Variants in SECISBP2 observed in about 807,000 individuals in gnomAD.
SECISBP2 encodes SECIS binding protein 2.
SECISBP2 carries 96 observed loss-of-function variants against 98.2 expected under a neutral mutation model. The observed-to-expected ratio is 0.98, with a 90% CI of 0.83 to 1.16. The LOEUF (loss-of-function observed/expected upper bound fraction) is 1.16. Ranked by LOEUF, SECISBP2 falls within the 50% of genes most tolerant of loss-of-function variation. SECISBP2 has a pLI of 0.00. For missense variants in SECISBP2, 1,046 were observed against 1,022.9 expected, an observed-to-expected ratio of 1.02 and a Z score of -0.31; for synonymous variants, 407 against 370.2, an observed-to-expected ratio of 1.10 and a Z score of -1.14.
At chr9:89,347,165 T>G (rs920408163) in intron 11 of SECISBP2, 117 bp downstream of exon 11, 7 of 1,068,282 alleles carry the variant, frequency 6.6e-6, no homozygotes, top group Non-Finnish European at 8.4e-6. Flanking sequence ...TTGAATATGT[T>G]GTAGTAAAAC....
chr9:89,357,942 G>C, intron 15 of SECISBP2, 57 bp from the exon 16 acceptor site: 1 of 1,589,702 alleles, frequency 6.3e-7, no homozygotes, highest in Non-Finnish European at 8.6e-7. Context: ...CTGAGTTTGA[G>C]GGACCCGTGT....
chr9:89,318,656 C>T (rs1016056198), intron 1 of SECISBP2, 44 bp downstream of exon 1: 7 of 1,383,526 alleles, frequency 5.1e-6, no homozygotes, highest in Non-Finnish European at 6.5e-6. Context: ...AGTCCGTCCG[C>T]CTGCCTCGCA....
At chr9:89,357,225 A>G in intron 14 of SECISBP2, 186 bp from the exon 15 acceptor site, 1 of 667,948 alleles carries the variant, frequency 1.5e-6, no homozygotes, top group Non-Finnish European at 2.7e-6. Flanking sequence ...TTTTCTTTCC[A>G]TTTTTCCCCA....
intron 10 of SECISBP2, among the ~76,000 whole-genome samples, chr9:89,343,489 T>C (rs542315975): frequency 1.9e-4 from 29 of 152,292 alleles, no homozygotes; most frequent in African/African-American, 6.7e-4. Flanking sequence ...TTTTCTGATA[T>C]TCTCCTTCCT....
chr9:89,338,555 C>T lies in SECISBP2; in HGVS notation c.1187C>T (p.Thr396Ile). The T allele has an allele frequency of 6.2e-7, 1 of 1,612,706 alleles. No individual in the cohort carries two copies. Among genetic ancestry groups the T allele is most frequent in the African/African-American group, 1.3e-5 (1 of 74,944 alleles). The change falls in exon 8 of 17, where the codon ACA becomes ATA. Residue 396 changes from threonine (T) to isoleucine (I), a missense_variant. Physicochemically the swap from Thr to Ile is moderately conservative, Grantham distance 89 (BLOSUM62 -1). Transcript: ENST00000375807. ...TCTACATCAAAATATGAAGTCCTGA[C>T]AGTTCAAGAGCCTCCAAGGATTGAA... ...EKSTSKYEVL[T>I]VQEPPRIEDA...
chr9:89,351,806 A>G (rs1462271862), intron 14 of SECISBP2, among the ~76,000 whole-genome samples: 1 of 152,190 alleles, frequency 6.6e-6, no homozygotes, highest in Non-Finnish European at 1.5e-5. Context: ...TGACCCACTC[A>G]TCTGATTGTG....
chr9:89,326,084 G>A (rs749365054), intron 4 of SECISBP2, 46 bp downstream of exon 4: 1 of 1,599,234 alleles, frequency 6.3e-7, no homozygotes, highest in Non-Finnish European at 8.5e-7. Context: ...TACTCCTTGT[G>A]CCCCAGAAAC....
chr9:89,359,228 G>T lies in SECISBP2; in HGVS notation c.*404G>T. ...CTGCCTGCTGGAGGTTGCCATGGAGGGCCATTCCTGCCCGGCAACAGCACC... is the reference window on the plus strand; with the variant it reads ...CTGCCTGCTGGAGGTTGCCATGGAGTGCCATTCCTGCCCGGCAACAGCACC... On this transcript the variant is annotated 3_prime_UTR_variant, in exon 17 of 17. Transcript: ENST00000375807. 1 of 320,284 alleles carries T rather than the reference G, an allele frequency of 3.1e-6. No individual in the cohort carries two copies. Among genetic ancestry groups the T allele is most frequent in the Non-Finnish European group, 6.0e-6 (1 of 166,452 alleles). The allele number at this position is 320,284 out of a possible 1,614,324, so 19.8% of individuals were successfully genotyped here. A position where few individuals can be genotyped will look rare whatever the true frequency, so the allele number is the denominator to read the frequency against.
chr9:89,348,951 C>T (rs1371040271), intron 12 of SECISBP2, among the ~76,000 whole-genome samples: 1 of 152,238 alleles, frequency 6.6e-6, no homozygotes, highest in Non-Finnish European at 1.5e-5. Flanking sequence ...TAATTAGAAA[C>T]AGGGTTGCTG....
intron 8 of SECISBP2, 21 bp downstream of exon 8, chr9:89,338,601 C>T (rs117971483): frequency 0.011 from 17,436 of 1,608,642 alleles, 145 homozygotes; most frequent in South Asian, 0.019. Flanking sequence ...ATTTTTTATT[C>T]ACATGGTGTG....
chr9:89,319,246 A>G (rs1310505881), intron 1 of SECISBP2, among the ~76,000 whole-genome samples: 1 of 152,236 alleles, frequency 6.6e-6, no homozygotes, highest in Non-Finnish European at 1.5e-5. Flanking sequence ...AAGAAAATGT[A>G]ATGGAAATAA....
chr9:89,349,944 G>C lies in SECISBP2; in HGVS notation c.1892+15G>C, dbSNP rs752457973. On this transcript the variant is annotated intron_variant, in intron 13 of 16. Transcript: ENST00000375807. ...AGATTCAGGGAGTGAGTGAGCCCCT[G>C]CCTGCCAGGGACTAGGGGAAGATGG... 9 of 1,613,838 alleles carry C rather than the reference G, an allele frequency of 5.6e-6. No homozygotes were observed. Among genetic ancestry groups the C allele is most frequent in the African/African-American group, 2.7e-5 (2 of 74,746 alleles).
chr9:89,328,718 C>T lies in SECISBP2; in HGVS notation c.633C>T (p.Thr211=). 1.2e-6 allele frequency: 2 copies of T among 1,614,166 alleles called. No homozygotes were observed. Among genetic ancestry groups the T allele is most frequent in the Non-Finnish European group, 1.7e-6 (2 of 1,180,018 alleles). Reference sequence around the variant, plus strand: ...GAATCATTGCAAAAAATGTATCTACCTCCAAACCTGAGTTTGAATTTACCA... The same window carrying T: ...GAATCATTGCAAAAAATGTATCTACTTCCAAACCTGAGTTTGAATTTACCA... The part of the protein sequence containing the change: ...KSRIIAKNVS[T]SKPEFEFTTL... The change falls in exon 5 of 17, where the codon ACC becomes ACT. Residue 211 remains threonine (T), a synonymous_variant. Transcript: ENST00000375807.
intron 7 of SECISBP2, among the ~76,000 whole-genome samples, chr9:89,336,550 G>A (rs1204202290): frequency 6.6e-6 from 1 of 152,136 alleles, no homozygotes; most frequent in Non-Finnish European, 1.5e-5. Flanking sequence ...ATAAATGGTA[G>A]CTATGTATTT....
At chr9:89,366,778 T>C in the SECISBP2 span, among the ~76,000 whole-genome samples, 1 of 152,244 alleles carries the variant, frequency 6.6e-6, no homozygotes, top group African/African-American at 2.4e-5. Context: ...ACACTTTTCT[T>C]TGAACAGACA....
chr9:89,326,619 A>G (rs538082081), intron 4 of SECISBP2, among the ~76,000 whole-genome samples: 6 of 152,334 alleles, frequency 3.9e-5, no homozygotes, highest in African/African-American at 1.4e-4. Context: ...TAAGGTAACT[A>G]TTTCATCAGC....
At chr9:89,354,886 T>G in intron 14 of SECISBP2, 1 of 985,402 alleles carries the variant, frequency 1.0e-6, no homozygotes, top group Non-Finnish European at 1.2e-6. Flanking sequence ...CCTGACAAAC[T>G]GAATATAGAT....
Position 89,332,964 on chromosome 9 carries a change from C to T in SECISBP2, c.858C>T (p.Thr286=), listed in dbSNP as rs1438452342. The change falls in exon 6 of 17, where the codon ACC becomes ACT. Residue 286 remains threonine, a synonymous_variant. Coordinates refer to ENST00000375807, the MANE Select transcript of SECISBP2 (RefSeq NM_024077.5). The part of the protein sequence containing the change: ...PNESVTANAA[T]NSPSCTRELS... ...AATCTGTAACTGCTAATGCCGCTAC[C>T]AATTCTCCTTCATGTACAAGAGGTA... 8 of 1,613,716 alleles carry T rather than the reference C, an allele frequency of 5.0e-6. No individual in the cohort carries two copies. Among genetic ancestry groups the T allele is most frequent in the Non-Finnish European group, 6.8e-6 (8 of 1,179,866 alleles).
intron 12 of SECISBP2, among the ~76,000 whole-genome samples, chr9:89,349,282 GTGTGT>G (rs1221755268): frequency 6.6e-6 from 1 of 152,170 alleles, no homozygotes; most frequent in Non-Finnish European, 1.5e-5. Flanking sequence ...ATCAGATCTG[GTGTGT>G]TTAAACTAAA....
Sources: allele counts gnomAD v4.1 joint callset (sites outside exome capture counted in the v4.1 genomes callset), GRCh38; gene constraint gnomAD v4.1.1; transcripts MANE v1.5; gene names NCBI Gene and HGNC (gene_info 2026-07-23, HGNC 2026-07-21).